Variants in MED18 observed in about 807,000 individuals in gnomAD.
The protein encoded by MED18 is mediator complex subunit 18, also known as mediator of RNA polymerase II transcription subunit 18.
Under a neutral mutation model 13.9 loss-of-function variants are expected in MED18, and 10 were observed. That is an observed-to-expected ratio of 0.72 (90% CI 0.44 to 1.22). MED18 has a LOEUF of 1.22. Among genes scored for constraint, MED18 ranks in the 50% most tolerant of loss-of-function variants. The pLI, the probability that MED18 is intolerant of heterozygous loss-of-function variation, is 0.00. For synonymous variants in MED18, 88 were observed against 93.2 expected (o/e 0.94, Z 0.32); for missense variants, 216 against 279.0 (o/e 0.77, Z 1.61).
At chr1:28,329,991 C>T (rs904235177) in intron 1 of MED18, among the ~76,000 whole-genome samples, 11 of 151,926 alleles carry the variant, frequency 7.2e-5, no homozygotes, top group Admixed American at 3.3e-4. Flanking sequence ...GGCCTTTGGC[C>T]GGGCACGGTG....
chr1:28,333,087 AG>A (rs1649797516), intron 2 of MED18, among the ~76,000 whole-genome samples: 1 of 152,238 alleles, frequency 6.6e-6, no homozygotes, highest in African/African-American at 2.4e-5. Context: ...TGAAGACTGT[AG>A]GGTGAATAAG....
rs1323399324 is a variant in MED18, at chr1:28,335,434, T to A, written c.*464T>A. On this transcript the variant is annotated 3_prime_UTR_variant, in exon 3 of 3. Transcript: ENST00000373842. ...GTGAGAATTAATTGGTTCTTTGCAC[T>A]GTTCTCCTCATGTGGCGATTTCACT... 5.8e-6 allele frequency: 1 copy of A among 171,582 alleles called. No homozygotes were observed. Among genetic ancestry groups the A allele is most frequent in the African/African-American group, 2.4e-5 (1 of 41,818 alleles). The allele number at this position is 171,582 out of a possible 1,614,324, so 10.6% of individuals were successfully genotyped here. A position where few individuals can be genotyped will look rare whatever the true frequency, so the allele number is the denominator to read the frequency against.
chr1:28,333,815 G>A (rs1231443524), intron 2 of MED18, among the ~76,000 whole-genome samples: 5 of 152,160 alleles, frequency 3.3e-5, no homozygotes, highest in East Asian at 1.9e-4. Flanking sequence ...AGCTGAGATC[G>A]CACCACTGCA....
rs1649881378 is a variant in MED18, at chr1:28,334,819, G to A, written c.476G>A (p.Ser159Asn). The change falls in exon 3 of 3, where the codon AGC becomes AAC. Residue 159 changes from serine (S) to asparagine (N), a missense_variant. Ser to Asn is a conservative substitution (Grantham distance 46). Transcript: ENST00000373842. ...FRILVPGNTD[S>N]TEALSLSYLV... is the part of the protein sequence containing the mutation. ...ATCCTGGTGCCAGGGAACACAGACAGCACTGAGGCCTTGTCACTCTCCTAT... is the reference window on the plus strand; with the variant it reads ...ATCCTGGTGCCAGGGAACACAGACAACACTGAGGCCTTGTCACTCTCCTAT... The A allele has an allele frequency of 6.2e-7, 1 of 1,614,032 alleles. No individual in the cohort carries two copies. Among genetic ancestry groups the A allele is most frequent in the Admixed American group, 1.7e-5 (1 of 59,966 alleles).
In MED18 at chr1:28,334,519, T is replaced by TC; in HGVS notation, c.178dup (p.Leu60ProfsTer2). On this transcript the variant is annotated frameshift_variant, in exon 3 of 3. Transcript: ENST00000373842. LOFTEE classifies it high-confidence loss of function. Reference sequence around the variant, plus strand: ...TTCCTTGACCATGAGATGGTATTCCTCCTTAAGGGCCAGCAAGCCAGCCCA... The same window carrying TC: ...TTCCTTGACCATGAGATGGTATTCCTCCCTTAAGGGCCAGCAAGCCAGCCCA... 6.2e-7 allele frequency: 1 copy of TC among 1,614,092 alleles called. No homozygotes were observed.
At chr1:28,334,329 G>A (rs1649848357) in intron 2 of MED18, 88 bp from the exon 3 acceptor site, 1 of 1,396,644 alleles carries the variant, frequency 7.2e-7, no homozygotes, top group Non-Finnish European at 9.7e-7. Context: ...AAACTGTTTT[G>A]GTTTTTCATT....
rs1162495070 is a variant in MED18, at chr1:28,334,727, G to A, written c.384G>A (p.Glu128=). The change falls in exon 3 of 3, where the codon GAG becomes GAA. Residue 128 remains glutamate (E), a synonymous_variant. Transcript: ENST00000373842. ...LMEMGFRMDH[E]FVAKGHLFRK... ...AAATGGGCTTCCGCATGGACCATGAGTTTGTTGCTAAGGGACATTTGTTCC... is the reference window on the plus strand; with the variant it reads ...AAATGGGCTTCCGCATGGACCATGAATTTGTTGCTAAGGGACATTTGTTCC... The A allele has an allele frequency of 1.9e-6, 3 of 1,614,200 alleles. No homozygotes were observed. Among genetic ancestry groups the A allele is most frequent in the Middle Eastern group, 1.6e-4 (1 of 6,062 alleles).
At position 28,330,683 on chromosome 1, in the gene MED18, C is replaced by T; in HGVS notation, c.21C>T (p.Thr7=). ...ACACCATGGAGGCACCTCCAGTCAC[C>T]ATGATGCCTGTCACTGGGGGCACCA... is the stretch of plus-strand genomic sequence containing the variant. The part of the protein sequence containing the change: MEAPPV[T]MMPVTGGTIN... The change falls in exon 2 of 3, where the codon ACC becomes ACT. Residue 7 remains threonine (T), a synonymous_variant. Transcript: ENST00000373842. 2 of 1,606,384 alleles carry T rather than the reference C, an allele frequency of 1.2e-6. No individual in the cohort carries two copies. The highest frequency in any genetic ancestry group is 1.1e-5 in the South Asian group (1 of 89,666).
chr1:28,329,224 C>T (rs929290961), intron 1 of MED18, 44 bp downstream of exon 1: 1 of 150,460 alleles, frequency 6.6e-6, no homozygotes, highest in African/African-American at 2.5e-5. Context: ...TGGATGCCGG[C>T]TTAGAAGGAC....
At chr1:28,329,575 A>G (rs1569631457) in intron 1 of MED18, among the ~76,000 whole-genome samples, 1 of 152,048 alleles carries the variant, frequency 6.6e-6, no homozygotes, top group Admixed American at 6.6e-5. Flanking sequence ...GGCGTGAGCC[A>G]CCGCGCCCGG....
chr1:28,334,148 C>T (rs1195731531), intron 2 of MED18, among the ~76,000 whole-genome samples: 2 of 152,040 alleles, frequency 1.3e-5, no homozygotes, highest in African/African-American at 4.8e-5. Flanking sequence ...AAGCCCCAGG[C>T]CTGCTGGAGA....
chr1:28,330,035 C>T (rs369031366), intron 1 of MED18, among the ~76,000 whole-genome samples: 3 of 152,044 alleles, frequency 2.0e-5, no homozygotes, highest in South Asian at 2.1e-4. Context: ...TTTGGGAGGC[C>T]GGATCACCTG....
At chr1:28,330,802 A>C in intron 2 of MED18, 67 bp downstream of exon 2, 3 of 1,273,750 alleles carry the variant, frequency 2.4e-6, no homozygotes, top group Non-Finnish European at 3.2e-6. Context: ...TTAAGATGAG[A>C]GACTTAACAC....
chr1:28,333,457 G>T (rs777505814), intron 2 of MED18, among the ~76,000 whole-genome samples: 2 of 152,168 alleles, frequency 1.3e-5, no homozygotes, highest in Non-Finnish European at 2.9e-5. Context: ...TTCATAGTGG[G>T]TATAATCTAC....
chr1:28,331,731 C>T (rs1649742461), intron 2 of MED18, among the ~76,000 whole-genome samples: 2 of 151,986 alleles, frequency 1.3e-5, no homozygotes, highest in South Asian at 4.1e-4. Flanking sequence ...AACTATCTTT[C>T]TAGGTCCTGT....
At chr1:28,331,271 C>G (rs1649725430) in intron 2 of MED18, among the ~76,000 whole-genome samples, 1 of 151,432 alleles carries the variant, frequency 6.6e-6, no homozygotes, top group Admixed American at 6.6e-5. Flanking sequence ...CATTGTTAAA[C>G]AACAGATCTT....
At chr1:28,331,222 A>G (rs1163557637) in intron 2 of MED18, among the ~76,000 whole-genome samples, 1 of 151,884 alleles carries the variant, frequency 6.6e-6, no homozygotes, top group African/African-American at 2.4e-5. Flanking sequence ...CCATCTTAAC[A>G]TATTTAAGTG....
intron 2 of MED18, among the ~76,000 whole-genome samples, chr1:28,334,069 A>G (rs189698029): frequency 1.8e-4 from 27 of 152,304 alleles, no homozygotes; most frequent in African/African-American, 6.0e-4. Context: ...CTCTACAAAA[A>G]TAAATAAATA....
intron 2 of MED18, among the ~76,000 whole-genome samples, chr1:28,333,524 TC>T (rs1649812928): frequency 6.6e-6 from 1 of 152,208 alleles, no homozygotes; most frequent in Non-Finnish European, 1.5e-5. Flanking sequence ...AGCAATTCAC[TC>T]TCTTCTACTT....
Sources: allele counts gnomAD v4.1 joint callset (sites outside exome capture counted in the v4.1 genomes callset), GRCh38; gene constraint gnomAD v4.1.1; transcripts MANE v1.5; gene names NCBI Gene and HGNC (gene_info 2026-07-23, HGNC 2026-07-21).